RETREG1: variants seen among roughly 807,000 people sequenced by gnomAD.
RETREG1 encodes the protein family with sequence similarity 134 member B.
RETREG1 carries 44 observed loss-of-function variants against 54.8 expected under a neutral mutation model. The ratio of observed to expected loss-of-function variants is 0.80; its 90% CI spans 0.63 to 1.03. The LOEUF is 1.03. Ranked by LOEUF, RETREG1 falls within the 50% of genes least tolerant of loss-of-function variation. The pLI is 0.00. For synonymous variants in RETREG1, 217 were observed against 238.5 expected (o/e 0.91, Z 0.83); for missense variants, 554 against 605.1 (o/e 0.92, Z 0.89).
In RETREG1 at chr5:16,521,248, C is replaced by T. The variant is rs546837076; in HGVS notation, c.459-37776G>A. Among the ~76,000 whole-genome samples, 228 of 152,268 alleles carry T rather than the reference C, an allele frequency of 1.5e-3. 1 individual carries two copies. Among genetic ancestry groups the T allele is most frequent in the Non-Finnish European group, 1.5e-3 (104 of 68,026 alleles). Reference sequence around the variant, plus strand: ...CTCTTCCTTCCCATTCTTCTCCCCTCCCATCCTACCTCCCAAATCCCTCAG... The same window carrying T: ...CTCTTCCTTCCCATTCTTCTCCCCTTCCATCCTACCTCCCAAATCCCTCAG... On this transcript the variant is annotated intron_variant, in intron 3 of 8. Transcript: ENST00000306320.
At chr5:16,511,953 A>G (rs1740190222) in intron 3 of RETREG1, among the ~76,000 whole-genome samples, 1 of 152,182 alleles carries the variant, frequency 6.6e-6, no homozygotes, top group Admixed American at 6.5e-5. Flanking sequence ...ACAATTCAGT[A>G]TGAGATTTAG....
At chr5:16,574,316 T>C (rs1201899240) in intron 1 of RETREG1, among the ~76,000 whole-genome samples, 1 of 152,158 alleles carries the variant, frequency 6.6e-6, no homozygotes, top group East Asian at 1.9e-4. Flanking sequence ...GTAAGTCTTA[T>C]GCTACAAACA....
intron 1 of RETREG1, among the ~76,000 whole-genome samples, chr5:16,609,076 C>T (rs1221214333): frequency 6.6e-6 from 1 of 152,220 alleles, no homozygotes; most frequent in Non-Finnish European, 1.5e-5. Context: ...AGTCAAATGG[C>T]ATTCCGAGTC....
At chr5:16,584,642 A>G (rs1742578174) in intron 1 of RETREG1, among the ~76,000 whole-genome samples, 1 of 152,228 alleles carries the variant, frequency 6.6e-6, no homozygotes, top group African/African-American at 2.4e-5. Context: ...ATAATATCAC[A>G]AAATTCAGAG....
chr5:16,610,457 A>C (rs1452854800), intron 1 of RETREG1, among the ~76,000 whole-genome samples: 3 of 152,242 alleles, frequency 2.0e-5, no homozygotes, highest in Non-Finnish European at 4.4e-5. Context: ...TCACACCATC[A>C]GAGTGAACAG....
intron 3 of RETREG1, among the ~76,000 whole-genome samples, chr5:16,498,169 G>A (rs1739545118): frequency 6.6e-6 from 1 of 152,166 alleles, no homozygotes; most frequent in African/African-American, 2.4e-5. Context: ...TTTACCAATG[G>A]GGATATGTTC....
chr5:16,603,860 C>CA (rs1323907455), intron 1 of RETREG1, among the ~76,000 whole-genome samples: 1 of 144,580 alleles, frequency 6.9e-6, no homozygotes, highest in African/African-American at 2.5e-5. Flanking sequence ...ACCCACCCCC[C>CA]ACCCGCCACC....
intron 3 of RETREG1, among the ~76,000 whole-genome samples, chr5:16,530,949 C>T (rs1369884820): frequency 6.6e-6 from 1 of 151,882 alleles, no homozygotes; most frequent in African/African-American, 2.4e-5. Context: ...TTCTCTGACT[C>T]ATCAGAATTT....
At position 16,556,317 on chromosome 5, in the gene RETREG1, G is replaced by A. The variant is rs985115771; in HGVS notation, c.458+9446C>T. Among the ~76,000 whole-genome samples, 82 of 151,944 alleles carry A rather than the reference G, an allele frequency of 5.4e-4. 2 individuals are homozygous for A. Among genetic ancestry groups the A allele is most frequent in the African/African-American group, 2.0e-3 (81 of 41,348 alleles). On this transcript the variant is annotated intron_variant, in intron 3 of 8. Transcript: ENST00000306320. ...ACTACAGGCACCCGCCGCCACGCCC[G>A]GCTAATTTTTTTGTGTGTATTTTTA...
At position 16,562,913 on chromosome 5, in the gene RETREG1, T is replaced by C. The variant is rs113021300; in HGVS notation, c.458+2850A>G. Among the ~76,000 whole-genome samples, 1,028 of 151,972 alleles carry C rather than the reference T, an allele frequency of 6.8e-3. 7 individuals carry two copies. Among genetic ancestry groups the C allele is most frequent in the African/African-American group, 0.024 (982 of 41,422 alleles). On this transcript the variant is annotated intron_variant, in intron 3 of 8. Transcript: ENST00000306320. ...GGAAATCGGAATAAAGCATGGACTT[T>C]AGTTAATAAGAATAAATTAGCTATT... is the stretch of plus-strand genomic sequence containing the variant.
Position 16,493,393 on chromosome 5 carries a change from T to C in RETREG1, c.459-9921A>G, listed in dbSNP as rs565467126. Among the ~76,000 whole-genome samples the C allele has an allele frequency of 1.5e-4, 23 of 152,340 alleles. No homozygotes were observed. The South Asian group carries it at 3.7e-3, about 25-fold the overall frequency. On this transcript the variant is annotated intron_variant, in intron 3 of 8. Transcript: ENST00000306320. ...AGTAATGCAAATTCCATTACTAGCA[T>C]AGGACAAGCACCTACTTGAGACCTG...
intron 3 of RETREG1, among the ~76,000 whole-genome samples, chr5:16,533,784 C>A (rs1245742155): frequency 6.6e-6 from 1 of 152,224 alleles, no homozygotes; most frequent in African/African-American, 2.4e-5. Context: ...CAGAACTTAT[C>A]TACCAGAAAG....
chr5:16,497,212 T>A (rs1720625254), intron 3 of RETREG1, among the ~76,000 whole-genome samples: 1 of 152,048 alleles, frequency 6.6e-6, no homozygotes, highest in Non-Finnish European at 1.5e-5. Flanking sequence ...ATTTTCCAGA[T>A]AAGAAAGCAG....
chr5:16,513,856 T>G (rs115133428), intron 3 of RETREG1, among the ~76,000 whole-genome samples: 2 of 152,258 alleles, frequency 1.3e-5, no homozygotes, highest in Non-Finnish European at 2.9e-5. Flanking sequence ...CTGCCACCTC[T>G]GTCCACTTCT....
intron 2 of RETREG1, among the ~76,000 whole-genome samples, chr5:16,571,011 A>C (rs545582192): frequency 6.6e-6 from 1 of 151,470 alleles, no homozygotes; most frequent in South Asian, 2.1e-4. Context: ...ACCTGGAAAC[A>C]CACGAATATA....
intron 3 of RETREG1, among the ~76,000 whole-genome samples, chr5:16,530,446 G>A (rs1028876502): frequency 3.3e-5 from 5 of 152,208 alleles, no homozygotes; most frequent in Non-Finnish European, 7.3e-5. Context: ...TATAGTGGTT[G>A]TGGAGATTTA....
chr5:16,538,233 T>A (rs1314204552), intron 3 of RETREG1, among the ~76,000 whole-genome samples: 9 of 152,072 alleles, frequency 5.9e-5, no homozygotes, highest in Non-Finnish European at 1.3e-4. Flanking sequence ...CCGGTCGACA[T>A]CAGGGGGAAA....
chr5:16,564,466 A>T (rs1741953475), intron 3 of RETREG1, among the ~76,000 whole-genome samples: 1 of 152,224 alleles, frequency 6.6e-6, no homozygotes. Flanking sequence ...ATCCATTCCA[A>T]ACACATGACT....
intron 1 of RETREG1, among the ~76,000 whole-genome samples, chr5:16,584,201 G>A (rs1258484116): frequency 1.3e-5 from 2 of 152,110 alleles, no homozygotes; most frequent in Admixed American, 6.6e-5. Context: ...CAGCTCCAGT[G>A]ATGGGTGCAC....
Sources: gnomAD v4.1 joint callset for allele counts (sites outside exome capture counted in the v4.1 genomes callset) on GRCh38, gnomAD v4.1.1 for gene constraint, MANE v1.5 for transcripts, NCBI Gene and HGNC (gene_info 2026-07-23, HGNC 2026-07-21) for gene names.